ASH1L: variants seen among roughly 807,000 people sequenced by gnomAD.
ASH1L encodes ASH1 like histone lysine methyltransferase, also known as histone-lysine N-methyltransferase ASH1L.
ASH1L carries 23 observed loss-of-function variants against 269.0 expected under a neutral mutation model. That is an observed-to-expected ratio of 0.09 (90% confidence interval 0.06 to 0.12). The LOEUF (loss-of-function observed/expected upper bound fraction) is 0.12. Among genes scored for constraint, ASH1L ranks in the 10% least tolerant of loss-of-function variants. ASH1L has a pLI of 1.00. For synonymous variants in ASH1L, 1,187 were observed against 1,253.5 expected, an observed-to-expected ratio of 0.95 and a Z score of 1.12; for missense variants, 2,912 against 3,567.8, an observed-to-expected ratio of 0.82 and a Z score of 4.68.
intron 2 of ASH1L, among the ~76,000 whole-genome samples, chr1:155,512,698 C>T (rs1257656041): frequency 4.6e-5 from 7 of 151,614 alleles, no homozygotes; most frequent in Middle Eastern, 3.4e-3. Flanking sequence ...GTGATCCACC[C>T]GCCTCGGCCT....
intron 15 of ASH1L, 97 bp downstream of exon 15, chr1:155,357,219 G>A: frequency 1.3e-4 from 93 of 713,450 alleles, no homozygotes; most frequent in South Asian, 6.3e-4. Context: ...TAAGACAAAA[G>A]AAAGTGGATC....
At chr1:155,511,212 A>G (rs1391392219) in intron 2 of ASH1L, among the ~76,000 whole-genome samples, 1 of 152,198 alleles carries the variant, frequency 6.6e-6, no homozygotes, top group Non-Finnish European at 1.5e-5. Flanking sequence ...AAACACCACC[A>G]CAGTTAAGAA....
At chr1:155,487,172 A>C (rs965877322) in intron 2 of ASH1L, among the ~76,000 whole-genome samples, 3 of 152,244 alleles carry the variant, frequency 2.0e-5, no homozygotes, top group African/African-American at 4.8e-5. Flanking sequence ...CCTCAAAAGC[A>C]AACAAACATA....
At chr1:155,345,810 T>C (rs527259754) in intron 21 of ASH1L, among the ~76,000 whole-genome samples, 6 of 148,816 alleles carry the variant, frequency 4.0e-5, no homozygotes, top group Non-Finnish European at 7.4e-5. Flanking sequence ...CCTGACCTCA[T>C]GATCCACTGC....
In ASH1L at chr1:155,444,355, C is replaced by G. The variant is rs1294255206; in HGVS notation, c.5087-5287G>C. 2.0e-5 allele frequency among the ~76,000 whole-genome samples: 3 copies of G among 152,118 alleles called. No individual in the cohort carries two copies. In the South Asian group the frequency reaches 6.2e-4, roughly 31 times the overall value. On this transcript the variant is annotated intron_variant, in intron 4 of 27. Transcript: ENST00000392403. Reference sequence around the variant, plus strand: ...TGATTGTTCTATTTTATAGTCCCATCATCAATGACTGAGTTAAAGATCCTA... The same window carrying G: ...TGATTGTTCTATTTTATAGTCCCATGATCAATGACTGAGTTAAAGATCCTA...
intron 2 of ASH1L, among the ~76,000 whole-genome samples, chr1:155,498,842 A>G (rs572876211): frequency 1.3e-5 from 2 of 152,186 alleles, no homozygotes; most frequent in South Asian, 4.2e-4. Context: ...CTGGCCCAGA[A>G]AACACTTTCA....
chr1:155,520,359 CAAAAAAAAAAAAAA>C (rs57127431), intron 2 of ASH1L: 2 of 24,234 alleles, frequency 8.3e-5, no homozygotes, highest in Admixed American at 5.4e-4. Flanking sequence ...GACTCCATCT[CAAAAAAAAAAAAAA>C]AAAAAAAAAA....
intron 3 of ASH1L, among the ~76,000 whole-genome samples, chr1:155,471,334 G>T: frequency 6.6e-6 from 1 of 152,214 alleles, no homozygotes; most frequent in East Asian, 1.9e-4. Context: ...AAAGCCTGAG[G>T]TAACTTCAAG....
intron 2 of ASH1L, among the ~76,000 whole-genome samples, chr1:155,498,032 G>T (rs543149299): frequency 2.8e-4 from 43 of 152,114 alleles, no homozygotes; most frequent in Admixed American, 1.2e-3. Flanking sequence ...GGTTACAGGC[G>T]TGAGCCACCA....
intron 4 of ASH1L, among the ~76,000 whole-genome samples, chr1:155,445,774 C>A (rs190747558): frequency 3.9e-5 from 6 of 152,246 alleles, no homozygotes; most frequent in Admixed American, 3.9e-4. Flanking sequence ...ACATATCTCT[C>A]CCACTTATTC....
At chr1:155,348,380 C>G (rs1441639960) in intron 19 of ASH1L, among the ~76,000 whole-genome samples, 2 of 151,858 alleles carry the variant, frequency 1.3e-5, no homozygotes, top group Non-Finnish European at 2.9e-5. Flanking sequence ...TTTTGTCTTT[C>G]AACTTCTATT....
chr1:155,557,051 A>G (rs1214280599), intron 1 of ASH1L, among the ~76,000 whole-genome samples: 2 of 152,140 alleles, frequency 1.3e-5, no homozygotes, highest in Admixed American at 6.6e-5. Flanking sequence ...AATTTTTTTA[A>G]TTAGATGGAA....
chr1:155,399,267 A>G (rs1402236973), intron 6 of ASH1L, among the ~76,000 whole-genome samples: 1 of 152,228 alleles, frequency 6.6e-6, no homozygotes, highest in African/African-American at 2.4e-5. Flanking sequence ...GGCCCTGGCC[A>G]TAAGAAGTTT....
chr1:155,530,897 A>G (rs1380412315), intron 1 of ASH1L, among the ~76,000 whole-genome samples: 1 of 152,056 alleles, frequency 6.6e-6, no homozygotes, highest in African/African-American at 2.4e-5. Flanking sequence ...GGGCAATCAA[A>G]CAATAAGCTG....
chr1:155,461,769 T>C (rs543058068), intron 3 of ASH1L, among the ~76,000 whole-genome samples: 4 of 150,572 alleles, frequency 2.7e-5, no homozygotes, highest in Non-Finnish European at 5.9e-5. Context: ...TTCCTGATCA[T>C]GGATTAAGTA....
chr1:155,556,444 G>GTA (rs1055491938), intron 1 of ASH1L, among the ~76,000 whole-genome samples: 20 of 149,330 alleles, frequency 1.3e-4, no homozygotes, highest in African/African-American at 1.7e-4. Context: ...GTGTGTATGT[G>GTA]TATATATATA....
intron 5 of ASH1L, chr1:155,434,293 G>C: frequency 1.9e-6 from 3 of 1,579,792 alleles, no homozygotes; most frequent in Admixed American, 1.8e-5. Context: ...TGGGGGACAG[G>C]GGGAGGGGAG....
intron 1 of ASH1L, among the ~76,000 whole-genome samples, chr1:155,534,228 T>C (rs972943625): frequency 2.0e-5 from 3 of 149,986 alleles, no homozygotes; most frequent in Non-Finnish European, 4.4e-5. Flanking sequence ...TAAAGGGCTC[T>C]GAGAAGGACA....
At chr1:155,563,164 G>A (rs1211709568), upstream of ASH1L, 2 of 457,026 alleles carry the variant, frequency 4.4e-6, no homozygotes, top group Non-Finnish European at 8.8e-6. Flanking sequence ...GGACTGCCTA[G>A]CGCCCCTCTG....
Sources: gnomAD v4.1 joint callset for allele counts (sites outside exome capture counted in the v4.1 genomes callset) on GRCh38, gnomAD v4.1.1 for gene constraint, MANE v1.5 for transcripts, NCBI Gene and HGNC (gene_info 2026-07-23, HGNC 2026-07-21) for gene names.